Variants in CSMD1 observed in about 807,000 individuals in gnomAD.
CSMD1 encodes CUB and Sushi multiple domains 1.
Under a neutral mutation model 417.5 loss-of-function variants are expected in CSMD1, and 213 were observed. The observed-to-expected ratio is 0.51, with a 90% CI of 0.46 to 0.57. The LOEUF is 0.57. CSMD1 is among the 20% of genes least tolerant of loss of function. The pLI is 0.00. For synonymous variants in CSMD1, 2,862 were observed against 1,736.8 expected (o/e 1.65, Z -16.11); for missense variants, 6,923 against 4,529.7 (o/e 1.53, Z -15.17).
intron 1 of CSMD1, among the ~76,000 whole-genome samples, chr8:4,921,319 G>T (rs1039716703): frequency 3.9e-5 from 6 of 152,104 alleles, no homozygotes; most frequent in African/African-American, 1.4e-4. Flanking sequence ...ATATACTCAG[G>T]AAAATTCAAA....
intron 10 of CSMD1, among the ~76,000 whole-genome samples, chr8:3,502,070 G>A (rs1039438382): frequency 1.3e-5 from 2 of 152,038 alleles, no homozygotes; most frequent in African/African-American, 4.8e-5. Context: ...CATATATCTT[G>A]GAATTTAACA....
intron 2 of CSMD1, among the ~76,000 whole-genome samples, chr8:4,482,912 A>G (rs1026168071): frequency 6.6e-6 from 1 of 152,212 alleles, no homozygotes; most frequent in African/African-American, 2.4e-5. Context: ...TTTTCCAAAT[A>G]TATTAATTTT....
rs185981181 is a variant in CSMD1, at chr8:3,841,670, A to T, written c.819-87628T>A. ...AGGTTCAAATAAAAAAAAACCATGA[A>T]TATGATTCTAATTTTAGAACCTAGT... On this transcript the variant is annotated intron_variant, in intron 5 of 69. Transcript: ENST00000635120. Among the ~76,000 whole-genome samples the T allele has an allele frequency of 1.8e-3, 280 of 152,308 alleles. 2 individuals carry two copies. The highest frequency in any genetic ancestry group is 6.4e-3 in the African/African-American group (265 of 41,576).
At chr8:4,406,243 G>A (rs574510440) in intron 3 of CSMD1, among the ~76,000 whole-genome samples, 2 of 152,218 alleles carry the variant, frequency 1.3e-5, no homozygotes, top group African/African-American at 4.8e-5. Context: ...AATGGTGCAA[G>A]TGGCTCTCCT....
chr8:4,180,572 T>C (rs1364802653), intron 3 of CSMD1, among the ~76,000 whole-genome samples: 2 of 151,462 alleles, frequency 1.3e-5, no homozygotes, highest in African/African-American at 4.9e-5. Context: ...AAACTTAAAG[T>C]ATAATAATAA....
At chr8:4,159,344 G>A (rs1187070501) in intron 3 of CSMD1, among the ~76,000 whole-genome samples, 3 of 152,116 alleles carry the variant, frequency 2.0e-5, no homozygotes, top group Non-Finnish European at 4.4e-5. Flanking sequence ...TCAAATGGAG[G>A]AAATATTTTT....
At chr8:4,663,223 G>A (rs1252999926) in intron 1 of CSMD1, among the ~76,000 whole-genome samples, 1 of 152,158 alleles carries the variant, frequency 6.6e-6, no homozygotes, top group African/African-American at 2.4e-5. Context: ...CATTATCCCA[G>A]CCCGATTTTT....
intron 59 of CSMD1, 45 bp downstream of exon 59, chr8:2,965,730 G>T (rs1156722222): frequency 2.0e-6 from 3 of 1,504,382 alleles, no homozygotes; most frequent in South Asian, 1.2e-5. Context: ...ATTCAATAAA[G>T]ACTTCTATAC....
At chr8:4,441,278 T>TG (rs1554478265) in intron 2 of CSMD1, among the ~76,000 whole-genome samples, 1,836 of 143,428 alleles carry the variant, frequency 0.013, 13 homozygotes, top group Non-Finnish European at 0.022. Context: ...TTTTTTTTTT[T>TG]TTTTGGTGGG....
intron 6 of CSMD1, among the ~76,000 whole-genome samples, chr8:3,732,269 C>A (rs746638506): frequency 5.3e-5 from 8 of 152,146 alleles, no homozygotes; most frequent in Non-Finnish European, 1.0e-4. Context: ...TACAAAGCTG[C>A]CCTCTTTAGA....
At position 4,236,035 on chromosome 8, in the gene CSMD1, G is replaced by GTTTTT. The variant is rs869046913; in HGVS notation, c.415+183917_415+183918insAAAAA. Among the ~76,000 whole-genome samples the GTTTTT allele has an allele frequency of 8.0e-5, 9 of 112,610 alleles. 1 individual carries two copies. Among genetic ancestry groups the GTTTTT allele is most frequent in the African/African-American group, 2.7e-4 (7 of 25,708 alleles). 73.9% of individuals were successfully genotyped at this position (112,610 alleles called of 152,430 possible). On this transcript the variant is annotated intron_variant, in intron 3 of 69. Transcript: ENST00000635120. ...GAGGTTAATGGATATTGTTTTTTTT[G>GTTTTT]TTTGTTTTTTTTTTTTTTTTTTTTT... is the stretch of plus-strand genomic sequence containing the variant.
chr8:4,362,111 A>C (rs1801801691), intron 3 of CSMD1, among the ~76,000 whole-genome samples: 1 of 152,222 alleles, frequency 6.6e-6, no homozygotes, highest in South Asian at 2.1e-4. Flanking sequence ...ACAGAATTAC[A>C]AATCCAAGTA....
intron 3 of CSMD1, among the ~76,000 whole-genome samples, chr8:4,292,662 A>G (rs1033743310): frequency 2.0e-5 from 3 of 152,124 alleles, no homozygotes; most frequent in Non-Finnish European, 4.4e-5. Flanking sequence ...ACATGTTTCT[A>G]TACATGAAAA....
chr8:4,634,134 C>T lies in CSMD1; in HGVS notation c.302+3208G>A, dbSNP rs563094215. On this transcript the variant is annotated intron_variant, in intron 2 of 69. Transcript: ENST00000635120. ...TCATTTCAGCTCTCAATATCCACATCATTAAAATTTAGTTTATTGATGGGT... is the reference window on the plus strand; with the variant it reads ...TCATTTCAGCTCTCAATATCCACATTATTAAAATTTAGTTTATTGATGGGT... Among the ~76,000 whole-genome samples, 13 of 152,074 alleles carry T rather than the reference C, an allele frequency of 8.5e-5. No homozygotes were observed. The Middle Eastern group carries it at 0.017, about 199-fold the overall frequency.
chr8:4,134,723 C>A (rs773087417), intron 3 of CSMD1, among the ~76,000 whole-genome samples: 3 of 152,192 alleles, frequency 2.0e-5, no homozygotes, highest in East Asian at 1.9e-4. Flanking sequence ...CCTCTTACTA[C>A]AAGAGTCTCC....
At chr8:3,237,995 C>G (rs1458426706) in intron 26 of CSMD1, among the ~76,000 whole-genome samples, 1 of 150,596 alleles carries the variant, frequency 6.6e-6, no homozygotes, top group Non-Finnish European at 1.5e-5. Context: ...ATAAATTTCA[C>G]TCGCGTCCGT....
intron 7 of CSMD1, among the ~76,000 whole-genome samples, chr8:3,677,084 T>C (rs73183346): frequency 7.2e-5 from 11 of 152,042 alleles, no homozygotes; most frequent in South Asian, 4.2e-4. Flanking sequence ...ATTGGGTAGA[T>C]AGGTGCAACA....
At chr8:4,486,222 TATACATACATATATATATATATAC>T (rs1801400825) in intron 2 of CSMD1, among the ~76,000 whole-genome samples, 3 of 15,674 alleles carry the variant, frequency 1.9e-4, no homozygotes, top group Non-Finnish European at 2.5e-4. Flanking sequence ...TATATATATA[TATACATACATATATATATATATAC>T]ATACATATAT....
At chr8:3,667,793 G>A (rs1032567222) in intron 7 of CSMD1, among the ~76,000 whole-genome samples, 8 of 152,144 alleles carry the variant, frequency 5.3e-5, no homozygotes, top group Non-Finnish European at 1.2e-4. Context: ...GAAAATCATG[G>A]AAACAGAAGA....
Sources: gnomAD v4.1 joint callset for allele counts (sites outside exome capture counted in the v4.1 genomes callset) on GRCh38, gnomAD v4.1.1 for gene constraint, MANE v1.5 for transcripts, NCBI Gene and HGNC (gene_info 2026-07-23, HGNC 2026-07-21) for gene names.